Variants in JMJD1C observed in about 807,000 individuals in gnomAD.
JMJD1C encodes jumonji domain-containing protein 1C.
A neutral mutation model predicts 245.3 loss-of-function variants in JMJD1C; 31 were observed. The observed-to-expected ratio is 0.13, with a 90% CI of 0.09 to 0.17. JMJD1C has a LOEUF of 0.17. JMJD1C is among the 10% of genes least tolerant of loss of function. The pLI is 1.00. For missense variants in JMJD1C, 2,691 were observed against 3,000.2 expected (o/e 0.90, Z 2.41); for synonymous variants, 1,057 against 1,017.4 (o/e 1.04, Z -0.74).
chr10:63,186,139 T>C (rs1844102203), intron 19 of JMJD1C, 76 bp downstream of exon 19: 15 of 1,153,914 alleles, frequency 1.3e-5, no homozygotes, highest in Non-Finnish European at 1.9e-5. Flanking sequence ...AGACTAAAAA[T>C]CTGTTAAGTT....
At chr10:63,245,253 T>A (rs144686922) in intron 3 of JMJD1C, among the ~76,000 whole-genome samples, 176 of 151,992 alleles carry the variant, frequency 1.2e-3, no homozygotes, top group African/African-American at 4.0e-3. Context: ...AGAAACATAT[T>A]TTCTGAGCCA....
At chr10:63,521,457 C>G (rs1057022584) in intron 1 of JMJD1C, 5 of 825,232 alleles carry the variant, frequency 6.1e-6, no homozygotes, top group African/African-American at 5.5e-5. Context: ...CGCGAGGAGC[C>G]GGCGAAGCGC....
chr10:63,248,421 C>A (rs566120936), intron 3 of JMJD1C, among the ~76,000 whole-genome samples: 1 of 151,860 alleles, frequency 6.6e-6, no homozygotes, highest in Admixed American at 6.6e-5. Context: ...CCCCGGAAGC[C>A]GAGGCAGGAG....
At chr10:63,187,072 G>GT (rs1316802521) in intron 18 of JMJD1C, among the ~76,000 whole-genome samples, 1 of 151,706 alleles carries the variant, frequency 6.6e-6, no homozygotes, top group Non-Finnish European at 1.5e-5. Context: ...TCTTAAACTT[G>GT]TAACATAATT....
At position 63,458,188 on chromosome 10, in the gene JMJD1C, C is replaced by G. The variant is rs187661113; in HGVS notation, c.168+7307G>C. On this transcript the variant is annotated intron_variant, in intron 1 of 25. Coordinates refer to ENST00000399262, the MANE Select transcript of JMJD1C (RefSeq NM_032776.3). ...CTTTGTCAGATTAAGAATTTTATAT[C>G]TAATAAAAGTGTGAAGCTGGATGCC... Among the ~76,000 whole-genome samples the G allele has an allele frequency of 4.1e-3, 617 of 152,218 alleles. 2 individuals are homozygous for G. The highest frequency in any genetic ancestry group is 0.017 in the Middle Eastern group (5 of 294).
At chr10:63,434,607 G>C (rs767095642) in intron 1 of JMJD1C, among the ~76,000 whole-genome samples, 1 of 152,118 alleles carries the variant, frequency 6.6e-6, no homozygotes, top group Non-Finnish European at 1.5e-5. Context: ...GCCAGGCACA[G>C]TGGCTCACGC....
intron 1 of JMJD1C, among the ~76,000 whole-genome samples, chr10:63,418,922 C>T (rs955428806): frequency 4.0e-5 from 6 of 150,916 alleles, no homozygotes; most frequent in African/African-American, 1.5e-4. Flanking sequence ...ACCAAAAATA[C>T]AAAAATTAGC....
chr10:63,396,930 T>C (rs1334666820), intron 1 of JMJD1C, among the ~76,000 whole-genome samples: 3 of 117,956 alleles, frequency 2.5e-5, no homozygotes, highest in Non-Finnish European at 1.8e-5. Context: ...TGGTTTTTGG[T>C]TTTTTTTTTT....
In JMJD1C at chr10:63,380,380, T is replaced by C. The variant is rs1344216678; in HGVS notation, c.271A>G (p.Lys91Glu). ...TGAGTCTGGCTAGGGTCATTCCTTT[T>C]GGCCCAGATTAAGTGGTATTCCACC... ...FLVEYHLIWA[K>E]RNDPSQTQGS... Residue 91 changes from lysine (K) to glutamate (E), a missense_variant, in exon 2 of 26, where the codon AAA (lysine) becomes GAA (glutamate). Physicochemically the swap from Lys to Glu is moderately conservative, Grantham distance 56. This residue lies in a region of JMJD1C where 172 missense variants were observed against 240.8 expected (regional missense o/e 0.71). Coordinates refer to ENST00000399262, the MANE Select transcript of JMJD1C (RefSeq NM_032776.3). 5 of 1,614,160 alleles carry C rather than the reference T, an allele frequency of 3.1e-6. No homozygotes were observed. The highest frequency in any genetic ancestry group is 2.2e-5 in the South Asian group (2 of 91,080).
chr10:63,241,400 T>G (rs1851468231), intron 3 of JMJD1C, among the ~76,000 whole-genome samples: 1 of 152,212 alleles, frequency 6.6e-6, no homozygotes, highest in South Asian at 2.1e-4. Context: ...TAAAGCTGCA[T>G]GCTACATGGA....
rs146980097 is a variant in JMJD1C at position 63,513,849 on chromosome 10, C to T, written n.113+7889G>A. ...AATGGCGTGAACCCGGGAGGTGGAG[C>T]GTGCAGTGAGCCGAGATCGCGCCAC... On this transcript the variant is annotated intron_variant and non_coding_transcript_variant, in intron 1 of 3. Coordinates refer to the JMJD1C transcript ENST00000633035. Among the ~76,000 whole-genome samples the T allele has an allele frequency of 2.2e-3, 329 of 151,948 alleles. 2 individuals are homozygous for T. The highest frequency in any genetic ancestry group is 7.5e-3 in the African/African-American group (310 of 41,444).
intron 12 of JMJD1C, 117 bp from the exon 13 acceptor site, chr10:63,197,680 T>C (rs1191592398): frequency 1.2e-6 from 1 of 837,722 alleles, no homozygotes; most frequent in Middle Eastern, 2.3e-4. Flanking sequence ...TTCAAGGCTA[T>C]ATTAACTGAA....
chr10:63,520,165 T>C (rs1955163815), intron 1 of JMJD1C, among the ~76,000 whole-genome samples: 1 of 152,226 alleles, frequency 6.6e-6, no homozygotes. Context: ...TAATTTAGGA[T>C]AATCTGTTGT....
chr10:63,427,926 AAGCAGC>A lies in JMJD1C; in HGVS notation c.168+37563_168+37568del, dbSNP rs927048827. ...CCTCACCAGCAAGGCAGCCACCTAG[AAGCAGC>A]AGCAGCAGCAGTTTGTGTGGCCAGC... On this transcript the variant is annotated intron_variant, in intron 1 of 25. Coordinates refer to ENST00000399262, the MANE Select transcript of JMJD1C (RefSeq NM_032776.3). 9.8e-6 allele frequency: 7 copies of A among 713,134 alleles called. No individual in the cohort carries two copies. The South Asian group carries it at 1.0e-4, about 11-fold the overall frequency. The allele number at this position is 713,134 out of a possible 1,614,324, so 44.2% of individuals were successfully genotyped here.
intron 2 of JMJD1C, among the ~76,000 whole-genome samples, chr10:63,371,283 A>G (rs1001179489): frequency 5.3e-5 from 8 of 152,038 alleles, no homozygotes; most frequent in Admixed American, 4.6e-4. Context: ...TCCCTGGTCT[A>G]TAAGACTTTT....
At chr10:63,246,651 A>T (rs1487934315) in intron 3 of JMJD1C, among the ~76,000 whole-genome samples, 2 of 152,142 alleles carry the variant, frequency 1.3e-5, no homozygotes, top group African/African-American at 2.4e-5. Context: ...ATTTAAAAAT[A>T]TAAAAGCTAC....
rs186524698 is a variant in JMJD1C at position 63,484,154 on chromosome 10, C to T, written n.113+37584G>A. On this transcript the variant is annotated intron_variant and non_coding_transcript_variant, in intron 1 of 3. Transcript: ENST00000633035. ...GCAGTGTTTATATTCACTAGCTGGGCATGGTGGCTCACTCCTGTAATCCCA... is the reference window on the plus strand; with the variant it reads ...GCAGTGTTTATATTCACTAGCTGGGTATGGTGGCTCACTCCTGTAATCCCA... Among the ~76,000 whole-genome samples the T allele has an allele frequency of 3.2e-4, 48 of 151,488 alleles. 1 individual carries two copies. The highest frequency in any genetic ancestry group is 1.9e-4 in the Non-Finnish European group (13 of 67,980).
intron 3 of JMJD1C, among the ~76,000 whole-genome samples, chr10:63,262,542 T>A (rs1352057410): frequency 6.6e-6 from 1 of 152,188 alleles, no homozygotes; most frequent in Non-Finnish European, 1.5e-5. Flanking sequence ...ATTCTAAAAC[T>A]AAGGTATGCT....
At chr10:63,241,815 T>C (rs1450434148) in intron 3 of JMJD1C, among the ~76,000 whole-genome samples, 2 of 152,226 alleles carry the variant, frequency 1.3e-5, no homozygotes, top group Admixed American at 6.5e-5. Context: ...ATTTTTGTTT[T>C]GTTTTGTTCA....
Sources: allele counts gnomAD v4.1 joint callset (sites outside exome capture counted in the v4.1 genomes callset), GRCh38; gene constraint gnomAD v4.1.1; regional missense constraint gnomAD v4.1.1; transcripts MANE v1.5; gene names NCBI Gene and HGNC (gene_info 2026-07-23, HGNC 2026-07-21).